The following PRKN variants were observed in gnomAD, a reference collection of about 807,000 sequenced individuals.
The protein encoded by PRKN is E3 ubiquitin-protein ligase parkin.
Under a neutral mutation model 59.5 loss-of-function variants are expected in PRKN, and 56 were observed. That is an observed-to-expected ratio of 0.94 (90% confidence interval 0.76 to 1.18). The LOEUF (loss-of-function observed/expected upper bound fraction) is 1.18, where lower values mean the gene tolerates loss of function less well. Among genes scored for constraint, PRKN ranks in the 50% most tolerant of loss-of-function variants. The pLI is 0.00. For synonymous variants in PRKN, 250 were observed against 222.1 expected, an observed-to-expected ratio of 1.13 and a Z score of -1.12; for missense variants, 657 against 596.4, an observed-to-expected ratio of 1.10 and a Z score of -1.06.
rs184151488 is a variant in PRKN, at chr6:161,972,896, G to T, written c.734+406C>A. Among the ~76,000 whole-genome samples, 803 of 152,118 alleles carry T rather than the reference G, an allele frequency of 5.3e-3. 9 individuals are homozygous for T. Among genetic ancestry groups the T allele is most frequent in the Non-Finnish European group, 6.5e-3 (440 of 68,010 alleles). On this transcript the variant is annotated intron_variant, in intron 6 of 11. Transcript: ENST00000366898. ...CAAATACAAAAAATTAGCTGGGTGT[G>T]GTGGCACATGCCTAATGTTAACATT...
rs942223595 is a variant in PRKN, at chr6:161,391,962, T to C, written c.1084-5085A>G. 6.6e-6 allele frequency among the ~76,000 whole-genome samples: 1 copy of C among 152,000 alleles called. No individual in the cohort carries two copies. Among genetic ancestry groups the C allele is most frequent in the African/African-American group, 2.4e-5 (1 of 41,346 alleles). On this transcript the variant is annotated intron_variant, in intron 9 of 11. Transcript: ENST00000366898. The surrounding 1 kb of genome is among the most constrained non-coding windows in gnomAD (Gnocchi z 4.9). Reference sequence around the variant, plus strand: ...ATCTGTGTATACACAGATATATAGATACAATGTGTGCCTGCATGTATATAT... The same window carrying C: ...ATCTGTGTATACACAGATATATAGACACAATGTGTGCCTGCATGTATATAT...
intron 4 of PRKN, among the ~76,000 whole-genome samples, chr6:162,152,095 T>C (rs1263216330): frequency 6.6e-6 from 1 of 152,182 alleles, no homozygotes; most frequent in African/African-American, 2.4e-5. Flanking sequence ...AACTTGTGGC[T>C]GCTCAACAGT....
intron 2 of PRKN, among the ~76,000 whole-genome samples, chr6:162,356,173 G>A (rs1474920039): frequency 6.6e-6 from 1 of 151,976 alleles, no homozygotes; most frequent in Non-Finnish European, 1.5e-5. Flanking sequence ...TTCTACCCTT[G>A]GTCACTACTA....
chr6:162,693,868 T>C (rs1431181459), intron 1 of PRKN, among the ~76,000 whole-genome samples: 2 of 152,160 alleles, frequency 1.3e-5, no homozygotes, highest in Non-Finnish European at 2.9e-5. Context: ...ATGATACACA[T>C]ATGTTACAAA....
At chr6:162,011,012 T>TATATATAATATATA (rs1562457676) in intron 5 of PRKN, among the ~76,000 whole-genome samples, 1 of 16,696 alleles carries the variant, frequency 6.0e-5, no homozygotes, top group African/African-American at 5.0e-4. Flanking sequence ...ATATTTATAA[T>TATATATAATATATA]ATATATTATA....
At chr6:161,732,479 T>TGTGTGTGTGTGTGTGTGTG (rs1261124218) in intron 7 of PRKN, among the ~76,000 whole-genome samples, 32 of 127,044 alleles carry the variant, frequency 2.5e-4, no homozygotes, top group African/African-American at 1.7e-3. Context: ...CAGAGGTTTT[T>TGTGTGTGTGTGTGTGTGTG]TTTTTTTGTG....
rs181727984 is a variant in PRKN, at chr6:161,799,847, C to T, written c.735-13939G>A. On this transcript the variant is annotated intron_variant, in intron 6 of 11. Transcript: ENST00000366898. ...AATGACAAGCCATGTGCAGGTCTGG[C>T]GTAAGAGGGTTTGCAGGGAAGGAGC... 1.9e-3 allele frequency among the ~76,000 whole-genome samples: 286 copies of T among 152,114 alleles called. 2 individuals carry two copies. The highest frequency in any genetic ancestry group is 2.3e-3 in the Non-Finnish European group (158 of 68,002).
At chr6:161,536,641 C>G (rs945391137) in intron 9 of PRKN, among the ~76,000 whole-genome samples, 1 of 152,128 alleles carries the variant, frequency 6.6e-6, no homozygotes, top group Non-Finnish European at 1.5e-5. Context: ...CCTATAGAGT[C>G]GGTTTCATGC....
intron 11 of PRKN, among the ~76,000 whole-genome samples, chr6:161,358,076 C>T (rs1038515302): frequency 2.0e-5 from 3 of 152,180 alleles, no homozygotes; most frequent in Admixed American, 6.5e-5. Context: ...TTTCAGTTTA[C>T]GCTAATATAA....
At chr6:162,495,184 TA>T (rs1793002614) in intron 1 of PRKN, among the ~76,000 whole-genome samples, 1 of 152,226 alleles carries the variant, frequency 6.6e-6, no homozygotes, top group Non-Finnish European at 1.5e-5. Context: ...TGAAAAAAGT[TA>T]TTCAAAGAAG....
chr6:162,610,793 A>T (rs1169092625), intron 1 of PRKN, among the ~76,000 whole-genome samples: 3 of 152,216 alleles, frequency 2.0e-5, no homozygotes, highest in Non-Finnish European at 4.4e-5. Flanking sequence ...TCCCATTTAC[A>T]TCTCTATAGC....
At chr6:162,513,483 AAAAGAAAAGAGGGAAAG>A (rs1285876323) in intron 1 of PRKN, among the ~76,000 whole-genome samples, 1 of 151,674 alleles carries the variant, frequency 6.6e-6, no homozygotes, top group Non-Finnish European at 1.5e-5. Context: ...AAAAGAAAAG[AAAAGAAAAGAGGGAAAG>A]AAAGAGAGAA....
In PRKN at chr6:161,843,008, A is replaced by G. The variant is rs147172786; in HGVS notation, c.735-57100T>C. On this transcript the variant is annotated intron_variant, in intron 6 of 11. Coordinates refer to ENST00000366898, the MANE Select transcript of PRKN (RefSeq NM_004562.3). The stretch of plus-strand genomic sequence containing the variant: ...CATCTTTAATCTACTCAGGAGTGCT[A>G]TGTATGACAGGCGATCCTTGGAGGA... Among the ~76,000 whole-genome samples the G allele has an allele frequency of 8.7e-3, 1,320 of 152,280 alleles. 20 individuals carry two copies. The highest frequency in any genetic ancestry group is 0.03 in the African/African-American group (1,254 of 41,542).
intron 1 of PRKN, among the ~76,000 whole-genome samples, chr6:162,717,134 G>A (rs1167524504): frequency 6.6e-6 from 1 of 152,176 alleles, no homozygotes; most frequent in East Asian, 1.9e-4. Flanking sequence ...TAAAGGAGAA[G>A]GCAATGTGAC....
At chr6:162,414,540 C>T (rs1460550696) in intron 2 of PRKN, among the ~76,000 whole-genome samples, 2 of 150,930 alleles carry the variant, frequency 1.3e-5, no homozygotes, top group Admixed American at 1.3e-4. Flanking sequence ...ACCCCTATCT[C>T]TACTAAAATA....
At chr6:161,351,344 G>T (rs1784544046) in intron 11 of PRKN, among the ~76,000 whole-genome samples, 1 of 148,848 alleles carries the variant, frequency 6.7e-6, no homozygotes, top group South Asian at 2.1e-4. Flanking sequence ...TTTTTTTTGA[G>T]ATGGAGTTTT....
At chr6:162,437,050 C>A (rs1044221778) in intron 2 of PRKN, among the ~76,000 whole-genome samples, 1 of 151,718 alleles carries the variant, frequency 6.6e-6, no homozygotes, top group Non-Finnish European at 1.5e-5. Context: ...AGGGATTGTG[C>A]CATTGCACTC....
At chr6:162,029,688 T>C (rs1056912474) in intron 5 of PRKN, among the ~76,000 whole-genome samples, 10 of 152,232 alleles carry the variant, frequency 6.6e-5, no homozygotes, top group Admixed American at 2.0e-4. Flanking sequence ...CTAAACGCCA[T>C]AACTTTGTAT....
chr6:161,482,726 C>T lies in PRKN; in HGVS notation c.1083+66128G>A, dbSNP rs926997191. The stretch of plus-strand genomic sequence containing the variant: ...GCTGTTCTCCACCATGAGGCCAGCA[C>T]GTGGTTAATGACCCCAATTCTGGCA... On this transcript the variant is annotated intron_variant, in intron 9 of 11. Coordinates refer to ENST00000366898, the MANE Select transcript of PRKN (RefSeq NM_004562.3). Among the ~76,000 whole-genome samples, 7 of 152,124 alleles carry T rather than the reference C, an allele frequency of 4.6e-5. No homozygotes were observed. The South Asian group carries it at 6.2e-4, about 13-fold the overall frequency.
Sources: gnomAD v4.1 joint callset for allele counts (sites outside exome capture counted in the v4.1 genomes callset) on GRCh38, gnomAD v4.1.1 for gene constraint, Gnocchi (gnomAD v3.1) non-coding constraint, MANE v1.5 for transcripts, NCBI Gene and HGNC (gene_info 2026-07-23, HGNC 2026-07-21) for gene names.